Variants in TBC1D19 observed in about 807,000 individuals in gnomAD.
TBC1D19 encodes TBC1 domain family, member 19.
TBC1D19 carries 60 observed loss-of-function variants against 89.0 expected under a neutral mutation model. That is an observed-to-expected ratio of 0.67 (90% confidence interval 0.55 to 0.84). The LOEUF (loss-of-function observed/expected upper bound fraction) is 0.84. Among genes scored for constraint, TBC1D19 ranks in the 40% least tolerant of loss-of-function variants. The pLI is 0.00. For missense variants in TBC1D19, 500 were observed against 610.8 expected (o/e 0.82, Z 1.91); for synonymous variants, 189 against 199.7 (o/e 0.95, Z 0.45).
intron 15 of TBC1D19, among the ~76,000 whole-genome samples, chr4:26,721,673 T>G (rs943665447): frequency 3.3e-5 from 5 of 152,198 alleles, no homozygotes; most frequent in Non-Finnish European, 7.3e-5. Context: ...CAAGTGATAT[T>G]CAAGCTTCTC....
chr4:26,583,118 G>A (rs553535955), upstream of TBC1D19, among the ~76,000 whole-genome samples: 41 of 151,948 alleles, frequency 2.7e-4, no homozygotes, highest in African/African-American at 8.7e-4. Flanking sequence ...CTTCTGCTTT[G>A]CTTAAAATAT....
At chr4:26,831,636 G>A in the TBC1D19 span, among the ~76,000 whole-genome samples, 1 of 142,580 alleles carries the variant, frequency 7.0e-6, no homozygotes, top group Non-Finnish European at 1.5e-5. Flanking sequence ...AGGCTGGAGT[G>A]CCATAGCGTG....
At chr4:26,723,230 A>G (rs12504472) in intron 15 of TBC1D19, among the ~76,000 whole-genome samples, 68,881 of 151,878 alleles carry the variant, frequency 0.45, 17,346 homozygotes, top group Admixed American at 0.6. Flanking sequence ...GTTTCAGAAC[A>G]AGAAGAGACA....
chr4:26,719,969 C>A, intron 14 of TBC1D19, 112 bp from the exon 15 acceptor site: 1 of 712,864 alleles, frequency 1.4e-6, no homozygotes, highest in Non-Finnish European at 2.2e-6. Flanking sequence ...AATGACATAT[C>A]AGTTTATAGT....
chr4:26,608,436 G>A (rs567783899), intron 1 of TBC1D19, among the ~76,000 whole-genome samples: 104 of 152,196 alleles, frequency 6.8e-4, no homozygotes, highest in African/African-American at 2.4e-3. Context: ...ATAGGGTTTC[G>A]ATTTCATTTG....
chr4:26,621,751 GTTTA>G (rs1195083288), intron 4 of TBC1D19, among the ~76,000 whole-genome samples: 2 of 151,818 alleles, frequency 1.3e-5, no homozygotes, highest in East Asian at 1.9e-4. Flanking sequence ...ATCAGTTAAT[GTTTA>G]TTTATCAATT....
chr4:26,671,835 TTTTG>T (rs1712337339), intron 9 of TBC1D19, among the ~76,000 whole-genome samples: 2 of 151,964 alleles, frequency 1.3e-5, no homozygotes, highest in South Asian at 4.1e-4. Flanking sequence ...TTCATCAATG[TTTTG>T]TTTGATTAAA....
intron 1 of TBC1D19, among the ~76,000 whole-genome samples, chr4:26,598,601 A>C (rs1560406894): frequency 6.6e-6 from 1 of 152,106 alleles, no homozygotes; most frequent in East Asian, 1.9e-4. Context: ...TCACCATGTT[A>C]GCCAGGATGG....
At chr4:26,653,386 G>A (rs1262903088) in intron 7 of TBC1D19, among the ~76,000 whole-genome samples, 1 of 152,112 alleles carries the variant, frequency 6.6e-6, no homozygotes, top group African/African-American at 2.4e-5. Flanking sequence ...TATTAGGTCC[G>A]CTTGGTGCAG....
the TBC1D19 span, among the ~76,000 whole-genome samples, chr4:26,817,796 C>T: frequency 6.6e-6 from 1 of 151,474 alleles, no homozygotes; most frequent in Non-Finnish European, 1.5e-5. Flanking sequence ...GGTGAAACCC[C>T]GTCTCAACTA....
chr4:26,683,832 G>A, intron 12 of TBC1D19, 83 bp downstream of exon 12: 5 of 1,096,086 alleles, frequency 4.6e-6, no homozygotes, highest in Non-Finnish European at 6.7e-6. Context: ...CCTGTGCTAT[G>A]TATGATATAT....
chr4:26,601,230 G>A (rs567541208), intron 1 of TBC1D19, among the ~76,000 whole-genome samples: 266 of 151,896 alleles, frequency 1.8e-3, no homozygotes, highest in African/African-American at 6.2e-3. Flanking sequence ...ACTGTTCTAC[G>A]GTCTGTCTCT....
chr4:26,589,696 C>G (rs1739643424), intron 1 of TBC1D19, among the ~76,000 whole-genome samples: 1 of 152,150 alleles, frequency 6.6e-6, no homozygotes, highest in African/African-American at 2.4e-5. Flanking sequence ...GTTGTAGGAT[C>G]CTGGGCCCAA....
intron 18 of TBC1D19, 63 bp from the exon 19 acceptor site, chr4:26,748,348 T>C (rs1718764335): frequency 4.4e-6 from 5 of 1,147,072 alleles, no homozygotes; most frequent in Non-Finnish European, 6.5e-6. Flanking sequence ...GTTCTTCTGA[T>C]ATTGCATTTT....
chr4:26,731,512 G>T (rs1038710892), intron 15 of TBC1D19, among the ~76,000 whole-genome samples: 1 of 152,148 alleles, frequency 6.6e-6, no homozygotes, highest in African/African-American at 2.4e-5. Context: ...GAATGACTAG[G>T]GAGGTGGTGA....
chr4:26,786,787 GGA>G, the TBC1D19 span, among the ~76,000 whole-genome samples: 1 of 150,948 alleles, frequency 6.6e-6, no homozygotes, highest in African/African-American at 2.4e-5. Flanking sequence ...ATGGATGGAT[GGA>G]TGGATGGGTG....
At position 26,755,073 on chromosome 4, in the gene TBC1D19, C is replaced by T. The variant is rs1390628934; in HGVS notation, c.*126C>T. ...GCCAATAAAGATCATGTTCCCTCTT[C>T]AGTTAAACCTAAGTAGTTTCTCACT... On this transcript the variant is annotated 3_prime_UTR_variant, in exon 21 of 21. Transcript: ENST00000264866. 6.6e-6 allele frequency: 5 copies of T among 754,996 alleles called. No homozygotes were observed. The African/African-American group carries it at 7.3e-5, about 11-fold the overall frequency. The allele number at this position is 754,996 out of a possible 1,614,324, so 46.8% of individuals were successfully genotyped here.
chr4:26,769,692 T>G, the TBC1D19 span, among the ~76,000 whole-genome samples: 14 of 151,848 alleles, frequency 9.2e-5, no homozygotes, highest in African/African-American at 3.4e-4. Flanking sequence ...ACTACAGGTG[T>G]CTGCCACTAT....
chr4:26,849,209 C>T, the TBC1D19 span, among the ~76,000 whole-genome samples: 1 of 149,074 alleles, frequency 6.7e-6, no homozygotes, highest in African/African-American at 2.5e-5. Context: ...CAAACACACA[C>T]ACACACACAC....
Sources: gnomAD v4.1 joint callset for allele counts (sites outside exome capture counted in the v4.1 genomes callset) on GRCh38, gnomAD v4.1.1 for gene constraint, MANE v1.5 for transcripts, NCBI Gene and HGNC (gene_info 2026-07-23, HGNC 2026-07-21) for gene names.